The following SZT2 variants were observed in gnomAD, a reference collection of about 807,000 sequenced individuals.
SZT2 encodes the protein SZT2 subunit of KICSTOR complex, also known as KICSTOR complex protein SZT2.
A neutral mutation model predicts 404.2 loss-of-function variants in SZT2; 216 were observed. The ratio of observed to expected loss-of-function variants is 0.53; its 90% CI spans 0.48 to 0.60. The LOEUF (loss-of-function observed/expected upper bound fraction) is 0.60, where lower values mean the gene tolerates loss of function less well. Ranked by LOEUF, SZT2 falls within the 20% of genes least tolerant of loss-of-function variation. The pLI is 0.00. For missense variants in SZT2, 3,857 were observed against 4,459.2 expected, an observed-to-expected ratio of 0.86 and a Z score of 3.85; for synonymous variants, 1,693 against 1,749.9, an observed-to-expected ratio of 0.97 and a Z score of 0.81.
rs1458021501 is a variant in SZT2, at chr1:43,441,972, CCTTT to C, written c.7743-25_7743-22del. 6.2e-7 allele frequency: 1 copy of C among 1,601,302 alleles called. No homozygotes were observed. The highest frequency in any genetic ancestry group is 8.5e-7 in the Non-Finnish European group (1 of 1,172,138). On this transcript the variant is annotated intron_variant, in intron 55 of 71. Coordinates refer to ENST00000634258, the MANE Select transcript of SZT2 (RefSeq NM_001365999.1). This position sits in a 1 kb window ranked among gnomAD's most constrained non-coding sequence, Gnocchi z 4.8. ...GGCCAGGGAGTGGTGTCATGGATGG[CCTTT>C]CTGTCTGTCCTCCCTTTCAATAGGG...
At chr1:43,430,229 G>T in intron 30 of SZT2, 82 bp from the exon 31 acceptor site, 1 of 1,569,116 alleles carries the variant, frequency 6.4e-7, no homozygotes, top group East Asian at 2.2e-5. Flanking sequence ...GCTGTCTAAG[G>T]CAAGACAAGT....
rs79857390 is a variant in SZT2 at position 43,453,058 on chromosome 1, A to G, written c.*2578A>G. The G allele has an allele frequency of 1.4e-3, 1,591 of 1,116,376 alleles. 42 individuals are homozygous for G. The East Asian group carries it at 0.039, about 27-fold the overall frequency. 69.2% of individuals were successfully genotyped at this position (1,116,376 alleles called of 1,614,324 possible). A position where few individuals can be genotyped will look rare whatever the true frequency, so the allele number is the denominator to read the frequency against. On this transcript the variant is annotated 3_prime_UTR_variant, in exon 72 of 72. Transcript: ENST00000634258. The stretch of plus-strand genomic sequence containing the variant: ...GTAAGCAGCTTTCTCTGATCCAGAC[A>G]GGGTTAGGTGCCTACCCTGCTCCCA...
At chr1:43,429,630 C>A in intron 28 of SZT2, 73 bp from the exon 29 acceptor site, 1 of 1,595,208 alleles carries the variant, frequency 6.3e-7, no homozygotes, top group East Asian at 2.2e-5. Context: ...TGTGCTGCTC[C>A]CCAGTTGAGA....
chr1:43,436,807 C>T, intron 42 of SZT2: 1 of 235,288 alleles, frequency 4.3e-6, no homozygotes, highest in South Asian at 8.8e-5. Flanking sequence ...AATGAGATTA[C>T]TGTTGCAACT....
chr1:43,425,619 A>C lies in SZT2; in HGVS notation c.2791A>C (p.Thr931Pro). The change falls in exon 19 of 72, where the codon ACG becomes CCG. Residue 931 changes from threonine to proline, a missense_variant. Thr to Pro is a conservative substitution (Grantham distance 38). Coordinates refer to ENST00000634258, the MANE Select transcript of SZT2 (RefSeq NM_001365999.1). This position sits in a 1 kb window ranked among gnomAD's most constrained non-coding sequence, Gnocchi z 4.3. ...AATCTGGAAGCACCTCCAGGACCTGACGTATTCTGAGATCCCGCAAGCTGT... is the reference window on the plus strand; with the variant it reads ...AATCTGGAAGCACCTCCAGGACCTGCCGTATTCTGAGATCCCGCAAGCTGT... ...PGIWKHLQDL[T>P]YSEIPQALHP... 1 of 1,614,082 alleles carries C rather than the reference A, an allele frequency of 6.2e-7. No homozygotes were observed. Among genetic ancestry groups the C allele is most frequent in the Non-Finnish European group, 8.5e-7 (1 of 1,180,026 alleles).
chr1:43,397,288 G>A (rs1243116374), intron 1 of SZT2, among the ~76,000 whole-genome samples: 2 of 151,830 alleles, frequency 1.3e-5, no homozygotes, highest in African/African-American at 4.8e-5. Flanking sequence ...TTAACTGGGT[G>A]TGGTGGCACG....
At position 43,451,936 on chromosome 1, in the gene SZT2, C is replaced by T; in HGVS notation, c.*1456C>T. 1.2e-6 allele frequency: 2 copies of T among 1,612,482 alleles called. No individual in the cohort carries two copies. The highest frequency in any genetic ancestry group is 1.1e-5 in the South Asian group (1 of 91,014). On this transcript the variant is annotated 3_prime_UTR_variant, in exon 72 of 72. Coordinates refer to ENST00000634258, the MANE Select transcript of SZT2 (RefSeq NM_001365999.1). ...GGAGAGACAGGGCTGGGGTCGTACC[C>T]TGCTGGGGCGTGTCCAGGAAGTACT...
intron 33 of SZT2, 33 bp from the exon 34 acceptor site, chr1:43,431,223 GATAGTAACT>G: frequency 6.4e-7 from 1 of 1,566,828 alleles, no homozygotes; most frequent in Non-Finnish European, 8.7e-7. Context: ...GCCCTGGTAG[GATAGTAACT>G]CCTGACCTTT....
At chr1:43,429,028 TTGGAA>T in intron 28 of SZT2, 1 of 158,990 alleles carries the variant, frequency 6.3e-6, no homozygotes, top group Non-Finnish European at 1.4e-5. Flanking sequence ...GACTCCTAGA[TTGGAA>T]CTCCGGTCCG....
Position 43,420,711 on chromosome 1 carries a change from A to C in SZT2, c.1262-38A>C, listed in dbSNP as rs369181194. 6.3e-6 allele frequency: 10 copies of C among 1,582,278 alleles called. No homozygotes were observed. The highest frequency in any genetic ancestry group is 8.6e-6 in the Non-Finnish European group (10 of 1,166,188). ...AACTCGATCCCAGGCCTAGAGTCCTATGCCTTCTCCTAACTGGCCCTTCCG... is the reference window on the plus strand; with the variant it reads ...AACTCGATCCCAGGCCTAGAGTCCTCTGCCTTCTCCTAACTGGCCCTTCCG... On this transcript the variant is annotated intron_variant, in intron 9 of 71. Transcript: ENST00000634258. The surrounding 1 kb of genome is among the most constrained non-coding windows in gnomAD (Gnocchi z 5.1).
Position 43,404,383 on chromosome 1 carries a change from G to T in SZT2, c.331G>T (p.Asp111Tyr). ...AGTGCTCTTTCTCTGCCCTCAGGAT[G>T]ATTCCACAGGGGAGATCTTGTTTGA... ...DLSPSTGIVD[D>Y]STGEILFDEV... The change falls in exon 4 of 72, where the codon GAT (aspartate) becomes TAT (tyrosine). Residue 111 changes from aspartate to tyrosine, a missense_variant. Physicochemically the swap from Asp to Tyr is radical, Grantham distance 160. Around this residue, in one of 7 missense-constraint regions of SZT2, gnomAD observed 536 missense variants for 637.4 expected, o/e 0.84. Transcript: ENST00000634258. 1.2e-6 allele frequency: 2 copies of T among 1,611,914 alleles called. No homozygotes were observed. The highest frequency in any genetic ancestry group is 1.1e-5 in the South Asian group (1 of 90,776).
Position 43,420,087 on chromosome 1 carries a change from C to G in SZT2, c.1091-66C>G. The G allele has an allele frequency of 6.3e-7, 1 of 1,580,218 alleles. No homozygotes were observed. The highest frequency in any genetic ancestry group is 8.6e-7 in the Non-Finnish European group (1 of 1,168,288). On this transcript the variant is annotated intron_variant, in intron 8 of 71. Coordinates refer to ENST00000634258, the MANE Select transcript of SZT2 (RefSeq NM_001365999.1). The surrounding 1 kb of genome is among the most constrained non-coding windows in gnomAD (Gnocchi z 5.1). ...CACAGTCATTTCAGCATAGCCCCTTCCCCCTACAGATCTGTCAGTTGGCAG... is the reference window on the plus strand; with the variant it reads ...CACAGTCATTTCAGCATAGCCCCTTGCCCCTACAGATCTGTCAGTTGGCAG...
At chr1:43,423,075 G>A (rs1403383039) in intron 14 of SZT2, 24 bp from the exon 15 acceptor site, 1 of 1,564,002 alleles carries the variant, frequency 6.4e-7, no homozygotes, top group African/African-American at 1.4e-5. Flanking sequence ...GGAGTAAGAG[G>A]ATGTGACCAC....
chr1:43,391,752 CAT>C (rs1648352100), intron 1 of SZT2, among the ~76,000 whole-genome samples: 1 of 152,060 alleles, frequency 6.6e-6, no homozygotes, highest in African/African-American at 2.4e-5. Flanking sequence ...AAGCAAGCCA[CAT>C]GTGTAATATT....
Position 43,439,030 on chromosome 1 carries a change from G to A in SZT2, c.6729G>A (p.Gln2243=). The A allele has an allele frequency of 6.2e-7, 1 of 1,614,188 alleles. No homozygotes were observed. The highest frequency in any genetic ancestry group is 8.5e-7 in the Non-Finnish European group (1 of 1,180,022). The change falls in exon 48 of 72, where the codon CAG becomes CAA. Residue 2243 remains glutamine (Q), a synonymous_variant. Transcript: ENST00000634258. This position sits in a 1 kb window ranked among gnomAD's most constrained non-coding sequence, Gnocchi z 4.2. Reference sequence around the variant, plus strand: ...CAGCCCTGGCATGGTACCTACGGCAGAACTTGCTCATCTTCCTGCACTCTC... The same window carrying A: ...CAGCCCTGGCATGGTACCTACGGCAAAACTTGCTCATCTTCCTGCACTCTC... ...WLPALAWYLR[Q]NLLIFLHSPK...
rs777282091 is a variant in SZT2, at chr1:43,437,702, C to T, written c.6396+2C>T. On this transcript the variant is annotated splice_donor_variant, in intron 45 of 71. Transcript: ENST00000634258. LOFTEE classifies it low-confidence loss of function (GC_TO_GT_DONOR). The surrounding 1 kb of genome is among the most constrained non-coding windows in gnomAD (Gnocchi z 5.3). ...CCCATCTACTCTGAGGAAGCCTCGG[C>T]ATGTATCACTCCCACTCTCTGATGC... is the stretch of plus-strand genomic sequence containing the variant. The T allele has an allele frequency of 8.7e-6, 14 of 1,614,032 alleles. No homozygotes were observed. Among genetic ancestry groups the T allele is most frequent in the Middle Eastern group, 1.6e-4 (1 of 6,084 alleles).
At position 43,452,306 on chromosome 1, in the gene SZT2, C is replaced by T. The variant is rs1656527800; in HGVS notation, c.*1826C>T. ...TCAGCTCCCTGGGGTACTCGGCCAG[C>T]CATCAGGTGGATCCTGTGGGGAAGA... is the stretch of plus-strand genomic sequence containing the variant. On this transcript the variant is annotated 3_prime_UTR_variant, in exon 72 of 72. Coordinates refer to ENST00000634258, the MANE Select transcript of SZT2 (RefSeq NM_001365999.1). 1 of 1,613,830 alleles carries T rather than the reference C, an allele frequency of 6.2e-7. No individual in the cohort carries two copies. Among genetic ancestry groups the T allele is most frequent in the South Asian group, 1.1e-5 (1 of 90,956 alleles).
rs1387787427 is a variant in SZT2, at chr1:43,438,737, C to T, written c.6547C>T (p.Arg2183Trp). 6 of 1,613,966 alleles carry T rather than the reference C, an allele frequency of 3.7e-6. No homozygotes were observed. Among genetic ancestry groups the T allele is most frequent in the African/African-American group, 1.3e-5 (1 of 74,906 alleles). Residue 2183 changes from arginine to tryptophan, a missense_variant, in exon 47 of 72, where the codon CGG (arginine) becomes TGG (tryptophan). Physicochemically the swap from Arg to Trp is moderately radical, Grantham distance 101 (BLOSUM62 -3). Around this residue, in one of 7 missense-constraint regions of SZT2, gnomAD observed 261 missense variants for 372.9 expected, o/e 0.70. Transcript: ENST00000634258. ...GGATGAGCTCGTGCGAGTTCTATGT[C>T]GGCGCCTGGATGAGGCCACGCTGGA... is the stretch of plus-strand genomic sequence containing the variant. Reference protein sequence around the residue: ...ITDELVRVLCRRLDEATLDVI... With the variant: ...ITDELVRVLCWRLDEATLDVI...
chr1:43,432,994 GA>G lies in SZT2; in HGVS notation c.5609del (p.Asp1870ValfsTer68). 1 of 1,614,054 alleles carries G rather than the reference GA, an allele frequency of 6.2e-7. No homozygotes were observed. Among genetic ancestry groups the G allele is most frequent in the Middle Eastern group, 1.7e-4 (1 of 6,056 alleles). On this transcript the variant is annotated frameshift_variant, in exon 40 of 72. Transcript: ENST00000634258. LOFTEE classifies it high-confidence loss of function. ...GSVDSDHLGY[D>X]GGSSGSDSEG... Reference sequence around the variant, plus strand: ...CTTCAATGCATCTGACACAGGTTATGATGGTGGCAGCAGTGGCTCAGACAGT... The same window carrying G: ...CTTCAATGCATCTGACACAGGTTATGTGGTGGCAGCAGTGGCTCAGACAGT...
Sources: allele counts gnomAD v4.1 joint callset (sites outside exome capture counted in the v4.1 genomes callset), GRCh38; gene constraint gnomAD v4.1.1; regional missense constraint gnomAD v4.1.1; non-coding constraint Gnocchi (gnomAD v3.1); transcripts MANE v1.5; gene names NCBI Gene and HGNC (gene_info 2026-07-23, HGNC 2026-07-21).